DLG2: variants seen among roughly 807,000 people sequenced by gnomAD.
The protein encoded by DLG2 is discs large MAGUK scaffold protein 2.
A neutral mutation model predicts 132.5 loss-of-function variants in DLG2; 45 were observed. The ratio of observed to expected loss-of-function variants is 0.34; its 90% CI spans 0.27 to 0.44. The LOEUF is 0.44. DLG2 is among the 20% of genes least tolerant of loss of function. The pLI is 1.00. For synonymous variants in DLG2, 424 were observed against 419.6 expected (o/e 1.01, Z -0.13); for missense variants, 1,045 against 1,196.9 (o/e 0.87, Z 1.87).
chr11:84,607,147 A>T (rs1471735061), intron 6 of DLG2, among the ~76,000 whole-genome samples: 1 of 152,110 alleles, frequency 6.6e-6, no homozygotes, highest in Non-Finnish European at 1.5e-5. Context: ...TTTCAATGAG[A>T]TAGTGAGTCA....
intron 7 of DLG2, among the ~76,000 whole-genome samples, chr11:84,298,771 C>CAG (rs1340712902): frequency 2.6e-5 from 4 of 151,370 alleles, no homozygotes; most frequent in East Asian, 3.9e-4. Context: ...AGAGTCATTA[C>CAG]AGAGAGAGAG....
intron 4 of DLG2, among the ~76,000 whole-genome samples, chr11:85,155,723 A>G (rs560404822): frequency 2.6e-5 from 4 of 152,102 alleles, no homozygotes; most frequent in Non-Finnish European, 4.4e-5. Context: ...TATAAAAATT[A>G]GCCAGGTGTG....
chr11:83,739,244 A>G (rs2092297839), intron 18 of DLG2, among the ~76,000 whole-genome samples: 1 of 152,172 alleles, frequency 6.6e-6, no homozygotes, highest in Non-Finnish European at 1.5e-5. Context: ...AAAAGTGGCC[A>G]TAAGAATCTT....
chr11:84,743,111 T>C lies in DLG2; in HGVS notation c.358-208380A>G, dbSNP rs73513179. Among the ~76,000 whole-genome samples, 235 of 152,266 alleles carry C rather than the reference T, an allele frequency of 1.5e-3. 1 individual carries two copies. The highest frequency in any genetic ancestry group is 5.4e-3 in the African/African-American group (226 of 41,558). ...AATTCACAGGAAGTTGTAAACACAG[T>C]ACAGAGAAGTACTATGTTTACTGTA... On this transcript the variant is annotated intron_variant, in intron 6 of 27. Transcript: ENST00000376104.
At chr11:83,632,263 T>C (rs979688522) in intron 19 of DLG2, 5 of 152,200 alleles carry the variant, frequency 3.3e-5, no homozygotes, top group African/African-American at 9.7e-5. Context: ...AACTCAAGCA[T>C]GTAAATTAGT....
intron 6 of DLG2, among the ~76,000 whole-genome samples, chr11:84,781,952 T>C (rs1438376805): frequency 1.3e-5 from 2 of 152,064 alleles, no homozygotes; most frequent in South Asian, 2.1e-4. Flanking sequence ...AGAAGCAGAA[T>C]TGAAGCCCAA....
intron 21 of DLG2, among the ~76,000 whole-genome samples, chr11:83,528,731 G>A (rs902053239): frequency 6.6e-6 from 1 of 152,088 alleles, no homozygotes; most frequent in African/African-American, 2.4e-5. Context: ...TCCTCCTGAG[G>A]CTCAGGCTCC....
At chr11:84,260,467 C>T (rs979906796) in intron 7 of DLG2, among the ~76,000 whole-genome samples, 1 of 152,132 alleles carries the variant, frequency 6.6e-6, no homozygotes, top group South Asian at 2.1e-4. Context: ...CAGATCAACA[C>T]TGAAACACAA....
intron 3 of DLG2, among the ~76,000 whole-genome samples, chr11:85,574,562 C>T (rs566401046): frequency 2.4e-4 from 37 of 152,274 alleles, no homozygotes; most frequent in African/African-American, 8.7e-4. Context: ...ATGTGATCCC[C>T]AATATGGGAG....
In DLG2 at chr11:84,398,159, AC is replaced by A. The variant is rs1220561111; in HGVS notation, c.519+136410del. On this transcript the variant is annotated intron_variant, in intron 7 of 27. Coordinates refer to ENST00000376104, the MANE Select transcript of DLG2 (RefSeq NM_001142699.3). ...ATATACAGCGCTTTGGCAACATATA[AC>A]AATATTCGAAAAACAAATATGATTG... Among the ~76,000 whole-genome samples the A allele has an allele frequency of 7.9e-5, 12 of 152,362 alleles. No homozygotes were observed. The South Asian group carries it at 2.3e-3, about 29-fold the overall frequency.
intron 3 of DLG2, among the ~76,000 whole-genome samples, chr11:85,307,139 TTTAGGGCACAAG>T (rs2080005486): frequency 6.6e-6 from 1 of 152,216 alleles, no homozygotes; most frequent in East Asian, 1.9e-4. Context: ...TGACCTTGTC[TTTAGGGCACAAG>T]GCATGTGCTC....
chr11:85,252,345 T>C (rs913362054), intron 4 of DLG2, among the ~76,000 whole-genome samples: 1 of 152,062 alleles, frequency 6.6e-6, no homozygotes, highest in Admixed American at 6.6e-5. Context: ...TTAGGAATGG[T>C]TGGGAGGCCA....
At chr11:84,823,556 C>T (rs2077952912) in intron 6 of DLG2, among the ~76,000 whole-genome samples, 1 of 147,784 alleles carries the variant, frequency 6.8e-6, no homozygotes, top group Admixed American at 6.9e-5. Context: ...CTGAACCATC[C>T]TGTTAGAATG....
At chr11:85,621,551 G>A (rs2081703757) in intron 2 of DLG2, among the ~76,000 whole-genome samples, 2 of 152,102 alleles carry the variant, frequency 1.3e-5, no homozygotes, top group African/African-American at 4.8e-5. Context: ...CAACATTAAC[G>A]GGAGTTTGGA....
Position 83,633,279 on chromosome 11 carries a change from C to A in DLG2, c.1872G>T (p.Met624Ile). The change falls in exon 19 of 28, where the codon ATG (methionine) becomes ATT (isoleucine). Residue 624 changes from methionine to isoleucine, a missense_variant. Physicochemically the swap from Met to Ile is conservative, Grantham distance 10. Transcript: ENST00000376104. Reference protein sequence around the residue: ...EAKIHDLREQMMNHSMSSGSG... With the variant: ...EAKIHDLREQIMNHSMSSGSG... ...ACCCGGAGCTCATGCTGTGGTTCAT[C>A]ATCTGCTCTCGTAGGTCATGGATTT... is the stretch of plus-strand genomic sequence containing the variant. 1 of 1,613,688 alleles carries A rather than the reference C, an allele frequency of 6.2e-7. No homozygotes were observed. The highest frequency in any genetic ancestry group is 1.1e-5 in the South Asian group (1 of 91,078).
Position 84,460,804 on chromosome 11 carries a change from T to G in DLG2, c.519+73766A>C, listed in dbSNP as rs187245193. ...TGATGAGGAATAAGACAGGTGAGGT[T>G]CTTGCCCTTGTGGAGCTCTTTCTTA... On this transcript the variant is annotated intron_variant, in intron 7 of 27. Coordinates refer to ENST00000376104, the MANE Select transcript of DLG2 (RefSeq NM_001142699.3). Among the ~76,000 whole-genome samples the G allele has an allele frequency of 1.2e-3, 178 of 150,870 alleles. 1 individual carries two copies. Among genetic ancestry groups the G allele is most frequent in the African/African-American group, 4.2e-3 (173 of 41,394 alleles).
At chr11:85,524,458 G>A (rs1422060855) in intron 3 of DLG2, among the ~76,000 whole-genome samples, 2 of 151,946 alleles carry the variant, frequency 1.3e-5, no homozygotes, top group African/African-American at 2.4e-5. Flanking sequence ...AGTATATTGA[G>A]TTAAGGAGCT....
chr11:83,485,567 G>A (rs1335675859), intron 21 of DLG2, among the ~76,000 whole-genome samples: 2 of 152,112 alleles, frequency 1.3e-5, no homozygotes, highest in African/African-American at 2.4e-5. Flanking sequence ...AGACTCTGAA[G>A]GCAATTTGAA....
At chr11:84,970,511 T>C (rs910424347) in intron 6 of DLG2, among the ~76,000 whole-genome samples, 3 of 152,204 alleles carry the variant, frequency 2.0e-5, no homozygotes, top group Non-Finnish European at 2.9e-5. Context: ...AAGTCTAAGA[T>C]GAAGACTCCA....
Sources: gnomAD v4.1 joint callset for allele counts (sites outside exome capture counted in the v4.1 genomes callset) on GRCh38, gnomAD v4.1.1 for gene constraint, MANE v1.5 for transcripts, NCBI Gene and HGNC (gene_info 2026-07-23, HGNC 2026-07-21) for gene names.